GRIP1: variants seen among roughly 807,000 people sequenced by gnomAD.
GRIP1 encodes glutamate receptor interacting protein 1, also known as glutamate receptor-interacting protein 1.
Under a neutral mutation model 129.9 loss-of-function variants are expected in GRIP1, and 45 were observed. The observed-to-expected ratio is 0.35, with a 90% confidence interval of 0.27 to 0.44. GRIP1 has a LOEUF of 0.44. Ranked by LOEUF, GRIP1 falls within the 20% of genes least tolerant of loss-of-function variation. GRIP1 has a pLI of 1.00. For synonymous variants in GRIP1, 530 were observed against 520.8 expected (o/e 1.02, Z -0.24); for missense variants, 1,196 against 1,396.8 (o/e 0.86, Z 2.29).
intron 22 of GRIP1, chr12:66,372,302 T>C (rs1384603084): frequency 3.1e-6 from 1 of 323,828 alleles, no homozygotes; most frequent in African/African-American, 2.1e-5. Context: ...ACCTTGAATA[T>C]ATCTTACAGA....
chr12:66,917,291 T>A (rs2041139277), intron 1 of GRIP1, among the ~76,000 whole-genome samples: 1 of 152,166 alleles, frequency 6.6e-6, no homozygotes. Flanking sequence ...CAGTAACCAA[T>A]AATCTCTACA....
intron 1 of GRIP1, among the ~76,000 whole-genome samples, chr12:66,629,716 C>A (rs2030528824): frequency 1.3e-5 from 2 of 152,178 alleles, no homozygotes; most frequent in African/African-American, 4.8e-5. Flanking sequence ...TACTTTCATC[C>A]AGAAATGTTT....
At chr12:66,749,223 A>G (rs535846520) in intron 1 of GRIP1, among the ~76,000 whole-genome samples, 7 of 152,284 alleles carry the variant, frequency 4.6e-5, no homozygotes, top group African/African-American at 1.2e-4. Flanking sequence ...ATCCAATCTC[A>G]TTTTCATAAT....
chr12:66,638,189 A>G (rs984382949), intron 1 of GRIP1, among the ~76,000 whole-genome samples: 15 of 152,214 alleles, frequency 9.9e-5, no homozygotes, highest in African/African-American at 3.6e-4. Flanking sequence ...AGTTGTTAGA[A>G]AGAGTGAGAG....
chr12:66,905,159 G>T (rs1030940689), intron 1 of GRIP1, among the ~76,000 whole-genome samples: 1 of 152,172 alleles, frequency 6.6e-6, no homozygotes, highest in African/African-American at 2.4e-5. Context: ...ACAAATGGAG[G>T]CTGTTTGTGT....
At chr12:66,394,633 C>A (rs994395155) in intron 16 of GRIP1, among the ~76,000 whole-genome samples, 2 of 152,142 alleles carry the variant, frequency 1.3e-5, no homozygotes, top group African/African-American at 4.8e-5. Context: ...CAACTGTGTC[C>A]ATGTCTAGGA....
rs372316551 is a variant in GRIP1 at position 67,031,209 on chromosome 12, CA to C, written c.58+37840del. On this transcript the variant is annotated intron_variant, in intron 1 of 1. Coordinates refer to the GRIP1 transcript ENST00000643019. ...CTGCATCCCAGTTACTAGAAGCTACCAAAAACCTTCTAATGGTGAAAGTCAA... is the reference window on the plus strand; with the variant it reads ...CTGCATCCCAGTTACTAGAAGCTACCAAAACCTTCTAATGGTGAAAGTCAA... Among the ~76,000 whole-genome samples the C allele has an allele frequency of 5.1e-4, 78 of 152,224 alleles. 1 individual carries two copies. The East Asian group carries it at 0.012, about 23-fold the overall frequency.
intron 1 of GRIP1, among the ~76,000 whole-genome samples, chr12:66,599,505 A>G (rs2064188364): frequency 6.6e-6 from 1 of 152,146 alleles, no homozygotes; most frequent in Admixed American, 6.6e-5. Context: ...GCCTTTTATA[A>G]AAAGCTACCC....
chr12:66,919,376 G>A (rs747636057), intron 1 of GRIP1, among the ~76,000 whole-genome samples: 35 of 152,120 alleles, frequency 2.3e-4, no homozygotes, highest in Non-Finnish European at 4.9e-4. Flanking sequence ...GTACCCCAAG[G>A]AACTGCCCTT....
intron 15 of GRIP1, among the ~76,000 whole-genome samples, chr12:66,414,122 A>C (rs982823977): frequency 6.6e-6 from 1 of 152,154 alleles, no homozygotes; most frequent in South Asian, 2.1e-4. Context: ...AGAAAAAAAT[A>C]AAGGGTATTC....
At position 66,378,850 on chromosome 12, in the gene GRIP1, C is replaced by A. The variant is rs543634277; in HGVS notation, c.2621+430G>T. Among the ~76,000 whole-genome samples, 22 of 151,874 alleles carry A rather than the reference C, an allele frequency of 1.4e-4. No homozygotes were observed. The South Asian group carries it at 3.3e-3, about 23-fold the overall frequency. On this transcript the variant is annotated intron_variant, in intron 20 of 24. Transcript: ENST00000359742. Reference sequence around the variant, plus strand: ...TAATCCCAGCTACTCAGGAGGCTGACGCATGTGAATCGCTAGAACCTGGGA... The same window carrying A: ...TAATCCCAGCTACTCAGGAGGCTGAAGCATGTGAATCGCTAGAACCTGGGA...
At position 66,612,069 on chromosome 12, in the gene GRIP1, T is replaced by A. The variant is rs556823496; in HGVS notation, c.56-15142A>T. Reference sequence around the variant, plus strand: ...CTCTCAAATAGGAATACTAATATATTTTTTTCAAACTTGTGCAAATTAACC... The same window carrying A: ...CTCTCAAATAGGAATACTAATATATATTTTTCAAACTTGTGCAAATTAACC... On this transcript the variant is annotated intron_variant, in intron 1 of 24. Transcript: ENST00000359742. 2.0e-5 allele frequency among the ~76,000 whole-genome samples: 3 copies of A among 152,266 alleles called. No homozygotes were observed. In the East Asian group the frequency reaches 5.8e-4, roughly 29 times the overall value.
intron 1 of GRIP1, among the ~76,000 whole-genome samples, chr12:66,838,745 T>C (rs1399048673): frequency 6.6e-6 from 1 of 152,078 alleles, no homozygotes; most frequent in Non-Finnish European, 1.5e-5. Flanking sequence ...TTGGTAGCAG[T>C]GGTGACTGGG....
At position 66,578,232 on chromosome 12, in the gene GRIP1, G is replaced by GTTTTTTTTTTTT. The variant is rs547352236; in HGVS notation, c.136+18603_136+18614dup. On this transcript the variant is annotated intron_variant, in intron 2 of 24. Transcript: ENST00000359742. The stretch of plus-strand genomic sequence containing the variant: ...GCCTGACTAATATGGCAAAACCGCG[G>GTTTTTTTTTTTT]TTTTTTTTTTTTTTTTTGTAAAAAT... Among the ~76,000 whole-genome samples, 996 of 102,424 alleles carry GTTTTTTTTTTTT rather than the reference G, an allele frequency of 9.7e-3. 52 individuals are homozygous for GTTTTTTTTTTTT. Among genetic ancestry groups the GTTTTTTTTTTTT allele is most frequent in the Admixed American group, 0.031 (248 of 8,120 alleles). 67.2% of individuals were successfully genotyped at this position (102,424 alleles called of 152,430 possible). A position where few individuals can be genotyped will look rare whatever the true frequency, so the allele number is the denominator to read the frequency against.
At chr12:66,415,776 G>A (rs1457855493) in intron 15 of GRIP1, among the ~76,000 whole-genome samples, 1 of 152,134 alleles carries the variant, frequency 6.6e-6, no homozygotes, top group Non-Finnish European at 1.5e-5. Context: ...GCAGGTACAT[G>A]GATAGACCTG....
At chr12:66,414,854 C>A (rs1362982218) in intron 15 of GRIP1, among the ~76,000 whole-genome samples, 1 of 151,070 alleles carries the variant, frequency 6.6e-6, no homozygotes, top group African/African-American at 2.4e-5. Context: ...AAAAGGATTC[C>A]CAATTTAATA....
chr12:67,066,144 C>T (rs1244683548), intron 1 of GRIP1, among the ~76,000 whole-genome samples: 1 of 152,138 alleles, frequency 6.6e-6, no homozygotes, highest in Admixed American at 6.5e-5. Context: ...GCATTGCATG[C>T]CATAGCAATA....
At chr12:66,606,364 C>T (rs1399477194) in intron 1 of GRIP1, among the ~76,000 whole-genome samples, 3 of 152,070 alleles carry the variant, frequency 2.0e-5, no homozygotes, top group African/African-American at 4.8e-5. Flanking sequence ...TTTTTAGATG[C>T]CTCTTTCATT....
At chr12:67,019,363 G>A (rs1000528041) in intron 1 of GRIP1, among the ~76,000 whole-genome samples, 1 of 152,180 alleles carries the variant, frequency 6.6e-6, no homozygotes, top group Non-Finnish European at 1.5e-5. Context: ...CAGCTCGCTT[G>A]GGAGCTGTAG....
Sources: gnomAD v4.1 joint callset for allele counts (sites outside exome capture counted in the v4.1 genomes callset) on GRCh38, gnomAD v4.1.1 for gene constraint, MANE v1.5 for transcripts, NCBI Gene and HGNC (gene_info 2026-07-23, HGNC 2026-07-21) for gene names.